Variants in SYN2 observed in about 807,000 individuals in gnomAD.
SYN2 encodes synapsin-2.
Under a neutral mutation model 50.9 loss-of-function variants are expected in SYN2, and 19 were observed. That is an observed-to-expected ratio of 0.37 (90% CI 0.26 to 0.55). SYN2 has a LOEUF of 0.55. Among genes scored for constraint, SYN2 ranks in the 20% least tolerant of loss-of-function variants. The pLI is 0.81. For missense variants in SYN2, 587 were observed against 576.4 expected (o/e 1.02, Z -0.19); for synonymous variants, 255 against 224.9 (o/e 1.13, Z -1.20).
chr3:12,124,506 C>T (rs1036131447), intron 1 of SYN2, among the ~76,000 whole-genome samples: 2 of 152,020 alleles, frequency 1.3e-5, no homozygotes, highest in Admixed American at 6.5e-5. Flanking sequence ...GACCCCTGTA[C>T]AAGAAAGATG....
chr3:12,061,094 G>A (rs182256073), intron 1 of SYN2, among the ~76,000 whole-genome samples: 35 of 152,290 alleles, frequency 2.3e-4, no homozygotes, highest in African/African-American at 7.7e-4. Flanking sequence ...CAACAAAAAT[G>A]AAGAATGCCT....
At chr3:12,155,309 A>G (rs1344617341) in intron 5 of SYN2, among the ~76,000 whole-genome samples, 1 of 152,256 alleles carries the variant, frequency 6.6e-6, no homozygotes, top group Non-Finnish European at 1.5e-5. Context: ...GTGTGGTTCT[A>G]TACAAAGTGC....
chr3:12,157,535 C>G (rs922135939), intron 5 of SYN2: 7 of 1,553,656 alleles, frequency 4.5e-6, no homozygotes, highest in Non-Finnish European at 5.3e-6. Flanking sequence ...GGGCAATACA[C>G]CTGAGGTCTG....
chr3:12,115,863 T>C (rs1696422363), intron 1 of SYN2, among the ~76,000 whole-genome samples: 1 of 152,206 alleles, frequency 6.6e-6, no homozygotes, highest in African/African-American at 2.4e-5. Context: ...CAGCAGGGTC[T>C]GGAATTGTTC....
At chr3:12,086,732 A>G (rs2125178438) in intron 1 of SYN2, among the ~76,000 whole-genome samples, 1 of 152,346 alleles carries the variant, frequency 6.6e-6, no homozygotes, top group Non-Finnish European at 1.5e-5. Context: ...AATAAAGGCC[A>G]TATATGACAA....
intron 1 of SYN2, chr3:12,070,388 G>T (rs141617943): frequency 5.7e-6 from 3 of 528,284 alleles, no homozygotes; most frequent in Non-Finnish European, 1.1e-5. Flanking sequence ...TCCTACGTGG[G>T]TGATGAGGCC....
At position 12,072,946 on chromosome 3, in the gene SYN2, C is replaced by T. The variant is rs574661373; in HGVS notation, c.378-67705C>T. ...CTAAAGGCTAGTTGAAAGCTCTGTGCGTTTAAGTAGAGCCTACCAGCTGTG... is the reference window on the plus strand; with the variant it reads ...CTAAAGGCTAGTTGAAAGCTCTGTGTGTTTAAGTAGAGCCTACCAGCTGTG... On this transcript the variant is annotated intron_variant, in intron 1 of 12. Transcript: ENST00000621198. Among the ~76,000 whole-genome samples, 7 of 151,966 alleles carry T rather than the reference C, an allele frequency of 4.6e-5. No individual in the cohort carries two copies. In the East Asian group the frequency reaches 7.7e-4, roughly 17 times the overall value.
At chr3:12,051,024 C>T (rs1483545528) in intron 1 of SYN2, among the ~76,000 whole-genome samples, 6 of 152,054 alleles carry the variant, frequency 3.9e-5, no homozygotes, top group Admixed American at 2.0e-4. Flanking sequence ...CGTGAGCCAC[C>T]GCGCCCGGCC....
At chr3:12,086,272 G>A (rs1340526957) in intron 1 of SYN2, among the ~76,000 whole-genome samples, 1 of 152,098 alleles carries the variant, frequency 6.6e-6, no homozygotes, top group Non-Finnish European at 1.5e-5. Flanking sequence ...TGGTTTCACT[G>A]CTGATTCTAC....
At chr3:12,035,217 C>G (rs1187620102) in intron 1 of SYN2, among the ~76,000 whole-genome samples, 1 of 152,200 alleles carries the variant, frequency 6.6e-6, no homozygotes, top group South Asian at 2.1e-4. Flanking sequence ...TCGGGTCACT[C>G]TGGGTCAGGG....
intron 1 of SYN2, among the ~76,000 whole-genome samples, chr3:12,113,697 A>G (rs1432593599): frequency 1.3e-5 from 2 of 152,154 alleles, no homozygotes; most frequent in Non-Finnish European, 2.9e-5. Flanking sequence ...ATGAAATCAC[A>G]CAATGTACTA....
intron 1 of SYN2, among the ~76,000 whole-genome samples, chr3:12,121,817 G>A (rs926060897): frequency 2.0e-5 from 3 of 152,126 alleles, no homozygotes; most frequent in African/African-American, 7.2e-5. Flanking sequence ...GATTGTGGGG[G>A]CTGGCAGGTC....
rs536065015 is a variant in SYN2 at position 12,112,553 on chromosome 3, CATT to C, written c.378-28095_378-28093del. 8.0e-4 allele frequency among the ~76,000 whole-genome samples: 122 copies of C among 152,278 alleles called. 2 individuals are homozygous for C. In the East Asian group the frequency reaches 0.023, roughly 29 times the overall value. On this transcript the variant is annotated intron_variant, in intron 1 of 12. Transcript: ENST00000621198. The stretch of plus-strand genomic sequence containing the variant: ...ATATAAAAGTACTAAGAATCTCTCA[CATT>C]ATGTAGTATTTGGCAGTGTGCAAAA...
intron 5 of SYN2, among the ~76,000 whole-genome samples, chr3:12,158,380 C>T (rs1401106568): frequency 6.6e-6 from 1 of 152,220 alleles, no homozygotes; most frequent in African/African-American, 2.4e-5. Context: ...TTTCTGTCCC[C>T]AGTCTAGTAG....
At position 12,187,359 on chromosome 3, in the gene SYN2, C is replaced by T. The variant is rs1431477406; in HGVS notation, c.1370-10C>T. 1 of 1,529,690 alleles carries T rather than the reference C, an allele frequency of 6.5e-7. No individual in the cohort carries two copies. Among genetic ancestry groups the T allele is most frequent in the Non-Finnish European group, 8.8e-7 (1 of 1,131,960 alleles). 94.8% of individuals were successfully genotyped at this position (1,529,690 alleles called of 1,614,324 possible). A position where few individuals can be genotyped will look rare whatever the true frequency, so the allele number is the denominator to read the frequency against. On this transcript the variant is annotated splice_polypyrimidine_tract_variant and intron_variant, in intron 11 of 12. Coordinates refer to ENST00000621198, the MANE Select transcript of SYN2 (RefSeq NM_133625.6). Reference sequence around the variant, plus strand: ...GTTAAATTATGAAGTTTTTCTTGTACTGAACCTAGGGGGCCCTGGGCAACC... The same window carrying T: ...GTTAAATTATGAAGTTTTTCTTGTATTGAACCTAGGGGGCCCTGGGCAACC...
In SYN2 at chr3:12,148,101, G is replaced by A. The variant is rs576438399; in HGVS notation, c.684+2266G>A. Among the ~76,000 whole-genome samples the A allele has an allele frequency of 3.3e-5, 5 of 151,828 alleles. No individual in the cohort carries two copies. In the South Asian group the frequency reaches 6.2e-4, roughly 19 times the overall value. ...TGTACTCCAGCCTGGGCGACAGAGC[G>A]AGACTCTGTCTCAAAAAAAAAAAAG... On this transcript the variant is annotated intron_variant, in intron 4 of 12. Transcript: ENST00000621198.
At chr3:12,134,190 C>T (rs533057823) in intron 1 of SYN2, among the ~76,000 whole-genome samples, 3 of 152,160 alleles carry the variant, frequency 2.0e-5, no homozygotes, top group Non-Finnish European at 4.4e-5. Flanking sequence ...ATGTTTGGGA[C>T]TTACTTTAAA....
intron 1 of SYN2, among the ~76,000 whole-genome samples, chr3:12,065,715 G>T (rs1695201895): frequency 6.6e-6 from 1 of 152,114 alleles, no homozygotes; most frequent in South Asian, 2.1e-4. Context: ...GGGAAGGAGG[G>T]TGGGGGCAAG....
At chr3:12,052,053 G>A (rs933366276) in intron 1 of SYN2, among the ~76,000 whole-genome samples, 3 of 152,076 alleles carry the variant, frequency 2.0e-5, no homozygotes, top group Admixed American at 1.3e-4. Flanking sequence ...TGGTTTTAGA[G>A]CATTTTTGAC....
Sources: allele counts gnomAD v4.1 joint callset (sites outside exome capture counted in the v4.1 genomes callset), GRCh38; gene constraint gnomAD v4.1.1; transcripts MANE v1.5; gene names NCBI Gene and HGNC (gene_info 2026-07-23, HGNC 2026-07-21).